Variants in ZNF790 observed in about 807,000 individuals in gnomAD.
ZNF790 encodes zinc finger protein 790.
ZNF790 carries 8 observed loss-of-function variants against 12.1 expected under a neutral mutation model. That is an observed-to-expected ratio of 0.66 (90% CI 0.39 to 1.19). The LOEUF (loss-of-function observed/expected upper bound fraction) is 1.19. ZNF790 is among the 50% of genes most tolerant of loss of function. ZNF790 has a pLI of 0.01. For missense variants in ZNF790, 707 were observed against 752.2 expected (o/e 0.94, Z 0.70); for synonymous variants, 252 against 244.3 (o/e 1.03, Z -0.29).
At chr19:36,840,883 T>C (rs992580400), upstream of ZNF790, among the ~76,000 whole-genome samples, 14 of 151,406 alleles carry the variant, frequency 9.2e-5, no homozygotes, top group African/African-American at 3.4e-4. Context: ...CAAATAGAGG[T>C]AGACTCAGGT....
intron 4 of ZNF790, among the ~76,000 whole-genome samples, chr19:36,822,202 A>G (rs2071688145): frequency 6.6e-6 from 1 of 152,200 alleles, no homozygotes; most frequent in South Asian, 2.1e-4. Context: ...AATGCAGGCA[A>G]TGTACAATCA....
intron 4 of ZNF790, 62 bp downstream of exon 4, chr19:36,823,223 C>G: frequency 7.0e-7 from 1 of 1,437,160 alleles, no homozygotes; most frequent in Non-Finnish European, 9.8e-7. Flanking sequence ...TGCTGCCTCA[C>G]TGTGCAGCTG....
In ZNF790 at chr19:36,819,626, T is replaced by A; in HGVS notation, c.718A>T (p.Ser240Cys). 6.2e-7 allele frequency: 1 copy of A among 1,607,202 alleles called. No individual in the cohort carries two copies. Among genetic ancestry groups the A allele is most frequent in the Non-Finnish European group, 8.5e-7 (1 of 1,176,170 alleles). ...TGAATTCTCTTATGACCAGTAAGAC[T>A]CGAACGTAAACTAAAAGACTTCCCA... The part of the protein sequence containing the change: ...ECGKSFSLRS[S>C]LTGHKRIHTG... Residue 240 changes from serine to cysteine, a missense_variant, in exon 5 of 5, where the codon AGT (serine) becomes TGT (cysteine). By Grantham distance (112) the Ser-to-Cys change is moderately radical. Coordinates refer to ENST00000356725, the MANE Select transcript of ZNF790 (RefSeq NM_206894.4).
Position 36,817,675 on chromosome 19 carries a change from A to T in ZNF790, c.*758T>A, listed in dbSNP as rs2071578634. 6.6e-6 allele frequency: 1 copy of T among 151,488 alleles called. No individual in the cohort carries two copies. Among genetic ancestry groups the T allele is most frequent in the Non-Finnish European group, 1.5e-5 (1 of 67,876 alleles). The allele number at this position is 151,488 out of a possible 1,614,324, so 9.4% of individuals were successfully genotyped here. On this transcript the variant is annotated 3_prime_UTR_variant, in exon 5 of 5. Coordinates refer to ENST00000356725, the MANE Select transcript of ZNF790 (RefSeq NM_206894.4). Reference sequence around the variant, plus strand: ...AAGATACTTTCCAAAAAAAAAAAATAGAGGCAGGATGTATTGAAACAAGAC... The same window carrying T: ...AAGATACTTTCCAAAAAAAAAAAATTGAGGCAGGATGTATTGAAACAAGAC...
intron 2 of ZNF790, among the ~76,000 whole-genome samples, chr19:36,823,992 CTTT>C (rs779735213): frequency 4.8e-5 from 5 of 104,374 alleles, no homozygotes; most frequent in African/African-American, 1.7e-4. Context: ...TCTACATGCT[CTTT>C]TTTTTTTTTT....
chr19:36,841,890 T>C (rs1019875557), upstream of ZNF790, among the ~76,000 whole-genome samples: 5 of 151,534 alleles, frequency 3.3e-5, no homozygotes, highest in Non-Finnish European at 7.4e-5. Context: ...TTATTATTTT[T>C]TTTTGTAGAG....
rs1568332265 is a variant in ZNF790 at position 36,818,717 on chromosome 19, AAG to A, written c.1625_1626del (p.Ser542PhefsTer11). 7.4e-6 allele frequency: 12 copies of A among 1,613,352 alleles called. No individual in the cohort carries two copies. The South Asian group carries it at 1.3e-4, about 18-fold the overall frequency. On this transcript the variant is annotated frameshift_variant, in exon 5 of 5. Coordinates refer to ENST00000356725, the MANE Select transcript of ZNF790 (RefSeq NM_206894.4). LOFTEE classifies it low-confidence loss of function (END_TRUNC). ...CGTGTAAGCTGTGAACCCCAGATAA[AAG>A]ATTTCCCACATTCTTTACATACGTA... ...EPYVCKECGK[S>X]FIWGSQLTRH...
intron 1 of ZNF790, among the ~76,000 whole-genome samples, chr19:36,825,893 A>C (rs1307070045): frequency 1.3e-5 from 2 of 152,220 alleles, no homozygotes; most frequent in Non-Finnish European, 2.9e-5. Context: ...GGATCAGGAT[A>C]CTACTAGATA....
chr19:36,840,745 T>C (rs1208534290), upstream of ZNF790, among the ~76,000 whole-genome samples: 1 of 152,240 alleles, frequency 6.6e-6, no homozygotes, highest in African/African-American at 2.4e-5. Context: ...AGACCTGCTA[T>C]GTTAACTAAT....
At chr19:36,844,577 T>C (rs1352011003) in intron 1 of ZNF790, among the ~76,000 whole-genome samples, 1 of 151,914 alleles carries the variant, frequency 6.6e-6, no homozygotes, top group East Asian at 1.9e-4. Context: ...TGGCAAGGAA[T>C]TTCCCAAAAC....
chr19:36,847,129 G>T (rs1291084960), intron 1 of ZNF790, among the ~76,000 whole-genome samples: 1 of 152,142 alleles, frequency 6.6e-6, no homozygotes, highest in Non-Finnish European at 1.5e-5. Context: ...GCCAAGGCAG[G>T]CAGATCATGA....
intron 1 of ZNF790, among the ~76,000 whole-genome samples, chr19:36,834,033 A>G (rs1373204941): frequency 6.6e-6 from 1 of 152,114 alleles, no homozygotes; most frequent in Non-Finnish European, 1.5e-5. Flanking sequence ...ATCTGAGGTC[A>G]GGAGTTCGAG....
chr19:36,834,912 C>G (rs2072013439), intron 1 of ZNF790, among the ~76,000 whole-genome samples: 1 of 152,196 alleles, frequency 6.6e-6, no homozygotes, highest in South Asian at 2.1e-4. Context: ...GCCTGCAATT[C>G]ATAATAAACA....
chr19:36,823,497 A>G, intron 3 of ZNF790, 117 bp from the exon 4 acceptor site: 1 of 1,265,098 alleles, frequency 7.9e-7, no homozygotes, highest in Non-Finnish European at 1.1e-6. Flanking sequence ...AATAAGTATA[A>G]ACTATGGGAA....
upstream of ZNF790, among the ~76,000 whole-genome samples, chr19:36,838,889 G>A (rs2072103231): frequency 6.6e-6 from 1 of 152,198 alleles, no homozygotes; most frequent in Admixed American, 6.5e-5. The surrounding 1 kb of genome is among the most constrained non-coding windows in gnomAD (Gnocchi z 4.4). Flanking sequence ...CTCTGCCCGA[G>A]CCTCGGCCCG....
At position 36,823,321 on chromosome 19, in the gene ZNF790, TC is replaced by T. The variant is rs1268563402; in HGVS notation, c.192del (p.Trp64Ter). Reference sequence around the variant, plus strand: ...CCTCTTGTCTCATCCCTCAAAATCTTCCAGGGCTCTTTCCCTTTCTCCAATA... The same window carrying T: ...CCTCTTGTCTCATCCCTCAAAATCTTCAGGGCTCTTTCCCTTTCTCCAATA... ...FSLLEKGKEP[W>X]KILRDETRGP... On this transcript the variant is annotated frameshift_variant, in exon 4 of 5. Coordinates refer to ENST00000356725, the MANE Select transcript of ZNF790 (RefSeq NM_206894.4). LOFTEE classifies it low-confidence loss of function (END_TRUNC). 1 of 1,614,006 alleles carries T rather than the reference TC, an allele frequency of 6.2e-7. No homozygotes were observed. Among genetic ancestry groups the T allele is most frequent in the Admixed American group, 1.7e-5 (1 of 59,988 alleles).
intron 4 of ZNF790, among the ~76,000 whole-genome samples, chr19:36,820,581 G>T (rs1312267626): frequency 6.6e-6 from 1 of 152,168 alleles, no homozygotes; most frequent in Non-Finnish European, 1.5e-5. Flanking sequence ...GGTTAAAGGA[G>T]ATAATTATGG....
At chr19:36,831,749 C>T (rs183991255) in intron 1 of ZNF790, among the ~76,000 whole-genome samples, 2 of 152,106 alleles carry the variant, frequency 1.3e-5, no homozygotes, top group Admixed American at 6.6e-5. Context: ...ATATCTAAAA[C>T]GATGGTTGTA....
At chr19:36,847,218 G>A (rs1340905399) in intron 1 of ZNF790, among the ~76,000 whole-genome samples, 2 of 151,960 alleles carry the variant, frequency 1.3e-5, no homozygotes, top group Non-Finnish European at 2.9e-5. Context: ...GCCGGGTGTG[G>A]TGGCGCACAT....
Sources: gnomAD v4.1 joint callset for allele counts (sites outside exome capture counted in the v4.1 genomes callset) on GRCh38, gnomAD v4.1.1 for gene constraint, Gnocchi (gnomAD v3.1) non-coding constraint, MANE v1.5 for transcripts, NCBI Gene and HGNC (gene_info 2026-07-23, HGNC 2026-07-21) for gene names.